The following PSMA1 variants were observed in gnomAD, a reference collection of about 807,000 sequenced individuals.
PSMA1 encodes proteasome 20S subunit alpha 1.
PSMA1 carries 3 observed loss-of-function variants against 38.4 expected under a neutral mutation model. That is an observed-to-expected ratio of 0.08 (90% confidence interval 0.04 to 0.20). The LOEUF (loss-of-function observed/expected upper bound fraction) is 0.20, where lower values mean the gene tolerates loss of function less well. Ranked by LOEUF, PSMA1 falls within the 10% of genes least tolerant of loss-of-function variation. PSMA1 has a pLI of 1.00. For synonymous variants in PSMA1, 101 were observed against 107.1 expected (o/e 0.94, Z 0.35); for missense variants, 227 against 325.3 (o/e 0.70, Z 2.32).
chr11:14,507,711 T>C lies in PSMA1; in HGVS notation c.680A>G (p.Asp227Gly), dbSNP rs755389484. The change falls in exon 9 of 10, where the codon GAT becomes GGT. Residue 227 changes from aspartate to glycine, a missense_variant. Asp to Gly is a moderately conservative substitution (Grantham distance 94, BLOSUM62 -1). Coordinates refer to ENST00000396394, the MANE Select transcript of PSMA1 (RefSeq NM_002786.4). ...ACCTTCCAGGAATGGAGACACATCA[T>C]CATCATCATAGATTGTAAACTCCAA... Reference protein sequence around the residue: ...KDLEFTIYDDDDVSPFLEGLE... With the variant: ...KDLEFTIYDDGDVSPFLEGLE... 6.2e-7 allele frequency: 1 copy of C among 1,613,402 alleles called. No individual in the cohort carries two copies. The highest frequency in any genetic ancestry group is 2.2e-5 in the East Asian group (1 of 44,850).
At chr11:14,639,390 A>G (rs1158253672) in intron 1 of PSMA1, among the ~76,000 whole-genome samples, 3 of 152,212 alleles carry the variant, frequency 2.0e-5, no homozygotes. Flanking sequence ...TTGACTAATA[A>G]AGCCAAAAAT....
intron 1 of PSMA1, among the ~76,000 whole-genome samples, chr11:14,625,337 A>T (rs1852897799): frequency 1.3e-5 from 2 of 152,308 alleles, no homozygotes; most frequent in South Asian, 4.1e-4. Context: ...AATCCTAGCT[A>T]CTTGGGAGGC....
intron 2 of PSMA1, among the ~76,000 whole-genome samples, chr11:14,547,745 C>T (rs1237399608): frequency 6.6e-6 from 1 of 152,172 alleles, no homozygotes; most frequent in Non-Finnish European, 1.5e-5. Context: ...CATCCAGGGC[C>T]ATACTCCTTA....
intron 2 of PSMA1, among the ~76,000 whole-genome samples, chr11:14,549,296 C>T (rs533762163): frequency 6.6e-6 from 1 of 152,248 alleles, no homozygotes; most frequent in East Asian, 1.9e-4. Context: ...GGGAACTGTA[C>T]ACATTTTGTA....
intron 9 of PSMA1, 50 bp from the exon 10 acceptor site, chr11:14,505,298 A>T: frequency 7.2e-7 from 1 of 1,384,230 alleles, no homozygotes; most frequent in Non-Finnish European, 1.0e-6. Flanking sequence ...CACTTGATCA[A>T]TATACACATC....
chr11:14,558,656 A>G (rs546132738), intron 2 of PSMA1, among the ~76,000 whole-genome samples: 1 of 152,320 alleles, frequency 6.6e-6, no homozygotes, highest in South Asian at 2.1e-4. Flanking sequence ...CTTTAGGACT[A>G]AGGTCAACAA....
rs1851394906 is a variant in PSMA1, at chr11:14,514,453, A to T, written c.293T>A (p.Val98Glu). ...AGACACAGGCAGTGGTCTATCGAAT[A>T]CAAATCTGGAATCCAAACACTCCTG... ...MRQECLDSRF[V>E]FDRPLPVSRL... The change falls in exon 5 of 10, where the codon GTA (valine) becomes GAA (glutamate). Residue 98 changes from valine to glutamate, a missense_variant. By Grantham distance (121) the Val-to-Glu change is moderately radical. Coordinates refer to ENST00000396394, the MANE Select transcript of PSMA1 (RefSeq NM_002786.4). The T allele has an allele frequency of 1.9e-6, 3 of 1,605,634 alleles. No homozygotes were observed. Among genetic ancestry groups the T allele is most frequent in the Non-Finnish European group, 1.7e-6 (2 of 1,176,780 alleles).
In PSMA1 at chr11:14,640,031, A is replaced by G. The variant is rs147053249; in HGVS notation, c.-166+3424T>C. On this transcript the variant is annotated intron_variant, in intron 1 of 10. Coordinates refer to the PSMA1 transcript ENST00000418988. Reference sequence around the variant, plus strand: ...ACATCTTCACCATTATATCTTTGTCATCTAGCACAGTGTCCAGCACACCGG... The same window carrying G: ...ACATCTTCACCATTATATCTTTGTCGTCTAGCACAGTGTCCAGCACACCGG... Among the ~76,000 whole-genome samples, 15 of 152,344 alleles carry G rather than the reference A, an allele frequency of 9.8e-5. 1 individual carries two copies. In the East Asian group the frequency reaches 2.7e-3, roughly 27 times the overall value.
intron 1 of PSMA1, among the ~76,000 whole-genome samples, chr11:14,629,458 G>C (rs1312936028): frequency 1.3e-5 from 2 of 151,804 alleles, no homozygotes; most frequent in African/African-American, 4.8e-5. Context: ...TCTCAGGTTT[G>C]TCAAAGATCA....
intron 2 of PSMA1, among the ~76,000 whole-genome samples, chr11:14,556,928 T>C (rs901936478): frequency 1.3e-5 from 2 of 152,196 alleles, no homozygotes; most frequent in Admixed American, 1.3e-4. Context: ...CTCCAACTCC[T>C]GGGCTCAAGC....
Position 14,529,209 on chromosome 11 carries a change from G to A in PSMA1, c.22-10168C>T, listed in dbSNP as rs79965653. Among the ~76,000 whole-genome samples, 942 of 151,890 alleles carry A rather than the reference G, an allele frequency of 6.2e-3. 9 individuals carry two copies. Among genetic ancestry groups the A allele is most frequent in the African/African-American group, 0.022 (905 of 41,404 alleles). ...AAATAAAAGTAAATTCTAAATAAGA[G>A]CCAAGTTGAAAATTTTTTTCATGGA... is the stretch of plus-strand genomic sequence containing the variant. On this transcript the variant is annotated intron_variant, in intron 2 of 10. Coordinates refer to the PSMA1 transcript ENST00000418988.
chr11:14,638,894 G>A (rs1590019788), intron 1 of PSMA1, among the ~76,000 whole-genome samples: 1 of 151,458 alleles, frequency 6.6e-6, no homozygotes, highest in Admixed American at 6.6e-5. Flanking sequence ...TGTCTAGGGA[G>A]GGAACAAGAA....
intron 2 of PSMA1, among the ~76,000 whole-genome samples, chr11:14,530,610 T>C (rs1851636822): frequency 6.6e-6 from 1 of 152,108 alleles, no homozygotes; most frequent in African/African-American, 2.4e-5. Context: ...AAAATTTAGT[T>C]AAGAGTTAGT....
chr11:14,575,491 C>T (rs998087474), intron 2 of PSMA1, among the ~76,000 whole-genome samples: 17 of 151,572 alleles, frequency 1.1e-4, no homozygotes, highest in South Asian at 2.1e-4. Flanking sequence ...TTCCCACCTA[C>T]GAGTTAGAAC....
chr11:14,613,483 ACCT>A (rs1449324695), intron 1 of PSMA1, among the ~76,000 whole-genome samples: 1 of 151,910 alleles, frequency 6.6e-6, no homozygotes, highest in African/African-American at 2.4e-5. Flanking sequence ...CAAACTTCTG[ACCT>A]CAGGTGATCT....
intron 1 of PSMA1, among the ~76,000 whole-genome samples, chr11:14,640,912 A>C (rs1853190686): frequency 6.6e-6 from 1 of 152,146 alleles, no homozygotes; most frequent in Admixed American, 6.6e-5. Context: ...TTATCCTGAG[A>C]AATTAGAAAA....
intron 2 of PSMA1, among the ~76,000 whole-genome samples, chr11:14,559,046 C>G (rs1019032410): frequency 6.6e-6 from 1 of 152,076 alleles, no homozygotes; most frequent in African/African-American, 2.4e-5. Context: ...ATAGTTGTGT[C>G]CTTAATATCA....
At chr11:14,591,933 T>C (rs2134188648) in intron 2 of PSMA1, among the ~76,000 whole-genome samples, 1 of 152,268 alleles carries the variant, frequency 6.6e-6, no homozygotes, top group South Asian at 2.1e-4. Context: ...CTGCTCACTC[T>C]TTAGGTCCAC....
intron 2 of PSMA1, among the ~76,000 whole-genome samples, chr11:14,530,125 T>G (rs1050910235): frequency 6.6e-6 from 1 of 152,196 alleles, no homozygotes; most frequent in Non-Finnish European, 1.5e-5. Flanking sequence ...ACTAGTCCAC[T>G]GTGACCTCAA....
Sources: gnomAD v4.1 joint callset for allele counts (sites outside exome capture counted in the v4.1 genomes callset) on GRCh38, gnomAD v4.1.1 for gene constraint, MANE v1.5 for transcripts, NCBI Gene and HGNC (gene_info 2026-07-23, HGNC 2026-07-21) for gene names.